EPHA6: variants seen among roughly 807,000 people sequenced by gnomAD.
EPHA6 encodes ephrin type-A receptor 6.
A neutral mutation model predicts 112.0 loss-of-function variants in EPHA6; 50 were observed. The ratio of observed to expected loss-of-function variants is 0.45; its 90% CI spans 0.36 to 0.56. EPHA6 has a LOEUF of 0.56. EPHA6 is among the 20% of genes least tolerant of loss of function. EPHA6 has a pLI of 0.00. For missense variants in EPHA6, 1,280 were observed against 1,417.4 expected (o/e 0.90, Z 1.56); for synonymous variants, 529 against 490.7 (o/e 1.08, Z -1.03).
At chr3:96,979,032 T>G (rs2042645345) in intron 2 of EPHA6, among the ~76,000 whole-genome samples, 1 of 152,310 alleles carries the variant, frequency 6.6e-6, no homozygotes, top group Middle Eastern at 3.4e-3. Flanking sequence ...GTGATGAAGA[T>G]ACTAAAACAG....
intron 5 of EPHA6, among the ~76,000 whole-genome samples, chr3:97,396,128 A>G (rs2086679692): frequency 6.6e-6 from 1 of 151,614 alleles, no homozygotes; most frequent in South Asian, 2.1e-4. Flanking sequence ...AAAATATATT[A>G]AATGGCTTAT....
intron 10 of EPHA6, among the ~76,000 whole-genome samples, chr3:97,506,276 GT>G (rs1264581149): frequency 1.3e-5 from 2 of 152,152 alleles, no homozygotes; most frequent in African/African-American, 4.8e-5. Flanking sequence ...GTCCTGAATG[GT>G]ATTGCCTAGG....
intron 1 of EPHA6, among the ~76,000 whole-genome samples, chr3:96,851,636 A>C (rs1211112997): frequency 2.0e-5 from 3 of 152,248 alleles, no homozygotes; most frequent in South Asian, 2.1e-4. Flanking sequence ...TAAACTTGCC[A>C]CTTCCCCACC....
At chr3:96,904,231 G>T (rs1020531939) in intron 2 of EPHA6, among the ~76,000 whole-genome samples, 10 of 151,942 alleles carry the variant, frequency 6.6e-5, no homozygotes, top group Non-Finnish European at 1.3e-4. Flanking sequence ...TGATAGACTG[G>T]ATTAAGAAAA....
chr3:97,050,733 ATTAT>A (rs2045659037), intron 3 of EPHA6, among the ~76,000 whole-genome samples: 1 of 152,104 alleles, frequency 6.6e-6, no homozygotes. Context: ...GCCTTTTATG[ATTAT>A]TTATTTGTTT....
chr3:96,966,758 G>A (rs1438256813), intron 2 of EPHA6, among the ~76,000 whole-genome samples: 3 of 151,994 alleles, frequency 2.0e-5, no homozygotes, highest in Non-Finnish European at 2.9e-5. Flanking sequence ...CTCACACAAG[G>A]AAAGTAACAT....
chr3:97,652,218 G>C (rs1224412654), intron 14 of EPHA6, among the ~76,000 whole-genome samples: 1 of 152,052 alleles, frequency 6.6e-6, no homozygotes, highest in African/African-American at 2.4e-5. Flanking sequence ...AAACAGCTAA[G>C]AAGGAAAACA....
chr3:96,858,192 T>C (rs1225583165), intron 1 of EPHA6, among the ~76,000 whole-genome samples: 1 of 152,032 alleles, frequency 6.6e-6, no homozygotes, highest in Admixed American at 6.6e-5. Context: ...AGCAAATTTT[T>C]TTGTGTTACT....
At chr3:97,547,895 C>A (rs1280682471) in intron 11 of EPHA6, among the ~76,000 whole-genome samples, 1 of 152,170 alleles carries the variant, frequency 6.6e-6, no homozygotes, top group East Asian at 1.9e-4. Flanking sequence ...CCTGGTGTGC[C>A]ATTTTTTAAG....
At chr3:97,659,522 G>T (rs1467891790) in intron 14 of EPHA6, among the ~76,000 whole-genome samples, 1 of 151,938 alleles carries the variant, frequency 6.6e-6, no homozygotes, top group African/African-American at 2.4e-5. Context: ...TCAGTAGCTT[G>T]TATCAAATGT....
chr3:96,834,111 A>G (rs2034254849), intron 1 of EPHA6, among the ~76,000 whole-genome samples: 1 of 152,050 alleles, frequency 6.6e-6, no homozygotes, highest in African/African-American at 2.4e-5. Flanking sequence ...CTGGAGGAAG[A>G]CTAAAAGAAA....
rs137862198 is a variant in EPHA6 at position 97,531,891 on chromosome 3, A to G, written c.2201-467A>G. Among the ~76,000 whole-genome samples, 19 of 152,114 alleles carry G rather than the reference A, an allele frequency of 1.2e-4. No individual in the cohort carries two copies. The East Asian group carries it at 3.5e-3, about 28-fold the overall frequency. ...GTTTTTTCAATACGTTCATACATCA[A>G]TTGACCCTAACATTAATTTCTAACT... On this transcript the variant is annotated intron_variant, in intron 10 of 17. Coordinates refer to ENST00000389672, the MANE Select transcript of EPHA6 (RefSeq NM_001080448.3).
intron 3 of EPHA6, among the ~76,000 whole-genome samples, chr3:97,183,887 G>C (rs1382726047): frequency 2.0e-5 from 3 of 152,072 alleles, no homozygotes; most frequent in Non-Finnish European, 4.4e-5. Flanking sequence ...CAGCAGTTCA[G>C]CAACAAGATT....
intron 3 of EPHA6, among the ~76,000 whole-genome samples, chr3:97,019,693 A>G (rs1008325256): frequency 2.6e-5 from 4 of 152,046 alleles, no homozygotes; most frequent in African/African-American, 9.7e-5. Context: ...ATTCTCTGTT[A>G]TATCTCTGTG....
At chr3:97,607,649 G>A (rs1006629587) in intron 12 of EPHA6, among the ~76,000 whole-genome samples, 3 of 151,058 alleles carry the variant, frequency 2.0e-5, no homozygotes, top group Non-Finnish European at 4.5e-5. Context: ...AAATGATCTG[G>A]GGATTTCAAG....
rs975897949 is a variant in EPHA6, at chr3:97,157,157, C to T, written c.1115-69107C>T. ...TAGTGTTTTCATGAAGTGCTTCAATCTTAGTAAGTTTAACTTTATTTTGTC... is the reference window on the plus strand; with the variant it reads ...TAGTGTTTTCATGAAGTGCTTCAATTTTAGTAAGTTTAACTTTATTTTGTC... On this transcript the variant is annotated intron_variant, in intron 3 of 17. Coordinates refer to ENST00000389672, the MANE Select transcript of EPHA6 (RefSeq NM_001080448.3). 2.6e-5 allele frequency among the ~76,000 whole-genome samples: 4 copies of T among 152,092 alleles called. No individual in the cohort carries two copies. In the East Asian group the frequency reaches 7.7e-4, roughly 29 times the overall value.
At chr3:97,231,442 A>G (rs1030733675) in intron 4 of EPHA6, among the ~76,000 whole-genome samples, 4 of 152,190 alleles carry the variant, frequency 2.6e-5, no homozygotes, top group Non-Finnish European at 2.9e-5. Flanking sequence ...ATGTTTACTG[A>G]TATGAACTGA....
In EPHA6 at chr3:97,310,717, A is replaced by G. The variant is rs149499597; in HGVS notation, c.1606+66430A>G. On this transcript the variant is annotated intron_variant, in intron 5 of 17. Coordinates refer to ENST00000389672, the MANE Select transcript of EPHA6 (RefSeq NM_001080448.3). ...TGATCCTCAGATGAATTTTTAATGG[A>G]TCCTCTCTCAACTAGATTATAACTT... Among the ~76,000 whole-genome samples the G allele has an allele frequency of 8.6e-5, 13 of 151,764 alleles. 1 individual carries two copies. The East Asian group carries it at 2.3e-3, about 27-fold the overall frequency.
At chr3:97,216,885 G>A (rs554754741) in intron 3 of EPHA6, among the ~76,000 whole-genome samples, 2 of 152,178 alleles carry the variant, frequency 1.3e-5, no homozygotes, top group Admixed American at 1.3e-4. Flanking sequence ...GAAATATGAA[G>A]ACAAAAATAA....
Sources: allele counts gnomAD v4.1 joint callset (sites outside exome capture counted in the v4.1 genomes callset), GRCh38; gene constraint gnomAD v4.1.1; transcripts MANE v1.5; gene names NCBI Gene and HGNC (gene_info 2026-07-23, HGNC 2026-07-21).